NEO1: variants seen among roughly 807,000 people sequenced by gnomAD.
NEO1 encodes neogenin.
In NEO1, 63 loss-of-function variants were observed where a neutral mutation model predicts 159.7. The ratio of observed to expected loss-of-function variants is 0.39; its 90% CI spans 0.32 to 0.49. The LOEUF is 0.49. Among genes scored for constraint, NEO1 ranks in the 20% least tolerant of loss-of-function variants. The pLI, the probability that NEO1 is intolerant of heterozygous loss-of-function variation, is 0.85. For synonymous variants in NEO1, 633 were observed against 662.0 expected (o/e 0.96, Z 0.67); for missense variants, 1,615 against 1,831.0 (o/e 0.88, Z 2.15).
At chr15:73,140,540 AG>A (rs1344892283) in intron 5 of NEO1, among the ~76,000 whole-genome samples, 1 of 152,166 alleles carries the variant, frequency 6.6e-6, no homozygotes, top group Non-Finnish European at 1.5e-5. Context: ...TGGGTGACAA[AG>A]CAAAACCATC....
Position 73,249,498 on chromosome 15 carries a change from A to G in NEO1, c.1756-85A>G, listed in dbSNP as rs2039963266. On this transcript the variant is annotated intron_variant, in intron 10 of 28. Coordinates refer to ENST00000261908, the MANE Select transcript of NEO1 (RefSeq NM_002499.4). ...GGATAAAATCTGTTTCATGTAGAAT[A>G]TAGAATTTGTGTAGCTAATTCTTTA... 5 of 1,371,026 alleles carry G rather than the reference A, an allele frequency of 3.6e-6. No homozygotes were observed. In the South Asian group the frequency reaches 6.0e-5, roughly 17 times the overall value. 84.9% of individuals were successfully genotyped at this position (1,371,026 alleles called of 1,614,324 possible).
intron 1 of NEO1, among the ~76,000 whole-genome samples, chr15:73,081,572 T>C (rs1404628564): frequency 6.6e-6 from 1 of 152,022 alleles, no homozygotes; most frequent in African/African-American, 2.4e-5. Flanking sequence ...CAGCAAGTAC[T>C]AAGTGTTTTG....
Position 73,122,791 on chromosome 15 carries a change from G to T in NEO1, c.715G>T (p.Val239Phe), listed in dbSNP as rs1401131839. 1.1e-5 allele frequency: 18 copies of T among 1,614,040 alleles called. No individual in the cohort carries two copies. Among genetic ancestry groups the T allele is most frequent in the Non-Finnish European group, 1.5e-5 (18 of 1,179,914 alleles). ...GTATAGTGATGAAGTTGAATTGAAG[G>T]TTCTTCCAGGTATTAACTCATTATC... is the stretch of plus-strand genomic sequence containing the variant. ...PKYSDEVELKVLPDPEVISDL... is the reference protein window; with the variant it reads ...PKYSDEVELKFLPDPEVISDL... Residue 239 changes from valine (V) to phenylalanine (F), a missense_variant, in exon 3 of 29, where the codon GTT (valine) becomes TTT (phenylalanine). Val to Phe is a conservative substitution (Grantham distance 50). Transcript: ENST00000261908.
intron 21 of NEO1, among the ~76,000 whole-genome samples, chr15:73,275,724 T>A (rs1226867298): frequency 1.3e-5 from 2 of 152,138 alleles, no homozygotes; most frequent in African/African-American, 4.8e-5. Context: ...GGGGCCTCCA[T>A]GTCACCATTC....
At chr15:73,242,155 G>A (rs2039520452) in intron 8 of NEO1, among the ~76,000 whole-genome samples, 1 of 152,012 alleles carries the variant, frequency 6.6e-6, no homozygotes. Context: ...TCCTGTGTGG[G>A]GTGAACAAAA....
chr15:73,225,655 C>G (rs182466572), intron 7 of NEO1, among the ~76,000 whole-genome samples: 1 of 152,270 alleles, frequency 6.6e-6, no homozygotes, highest in Non-Finnish European at 1.5e-5. Flanking sequence ...CCCCATCTAA[C>G]AGCCCCGAGT....
intron 19 of NEO1, 28 bp downstream of exon 19, chr15:73,272,590 T>G: frequency 6.9e-7 from 1 of 1,438,878 alleles, no homozygotes; most frequent in Non-Finnish European, 9.8e-7. Flanking sequence ...GTGCATTTCT[T>G]TGTGCGCTCT....
At chr15:73,197,783 A>C (rs372948455) in intron 7 of NEO1, among the ~76,000 whole-genome samples, 1 of 150,252 alleles carries the variant, frequency 6.7e-6, no homozygotes, top group South Asian at 2.1e-4. Context: ...TGTGTTCAAG[A>C]TATTCTCCTG....
intron 8 of NEO1, among the ~76,000 whole-genome samples, chr15:73,243,788 A>T (rs2039606985): frequency 6.6e-6 from 1 of 152,262 alleles, no homozygotes; most frequent in Non-Finnish European, 1.5e-5. Flanking sequence ...TTAAGAAATT[A>T]TAAAAATCAG....
At chr15:73,270,652 C>T (rs1255538511) in intron 18 of NEO1, among the ~76,000 whole-genome samples, 198 bp downstream of exon 18, 1 of 152,200 alleles carries the variant, frequency 6.6e-6, no homozygotes, top group Admixed American at 6.5e-5. Context: ...ACAGGGAAAA[C>T]ATGATAAATT....
chr15:73,286,104 C>A (rs565070254), intron 23 of NEO1, among the ~76,000 whole-genome samples: 3 of 124,928 alleles, frequency 2.4e-5, no homozygotes, highest in Non-Finnish European at 4.8e-5. Flanking sequence ...TCCTTTTCAC[C>A]GGCTGCTTAC....
intron 1 of NEO1, among the ~76,000 whole-genome samples, chr15:73,090,948 C>G (rs1367406873): frequency 6.6e-6 from 1 of 152,056 alleles, no homozygotes. Context: ...CTCCCAATTG[C>G]GTTATTGAGG....
intron 20 of NEO1, 34 bp downstream of exon 20, chr15:73,274,039 G>GTCTCTT: frequency 6.3e-7 from 1 of 1,591,954 alleles, no homozygotes; most frequent in Non-Finnish European, 8.6e-7. Flanking sequence ...TTTGTTGTGT[G>GTCTCTT]TCTCTTTAGT....
At chr15:73,168,297 C>A (rs544090145) in intron 5 of NEO1, among the ~76,000 whole-genome samples, 1 of 147,286 alleles carries the variant, frequency 6.8e-6, no homozygotes, top group Non-Finnish European at 1.5e-5. Flanking sequence ...GATTCTCCTG[C>A]CTCAGCCTCC....
intron 3 of NEO1, among the ~76,000 whole-genome samples, chr15:73,125,396 C>T (rs1177527818): frequency 6.6e-6 from 1 of 152,216 alleles, no homozygotes; most frequent in Non-Finnish European, 1.5e-5. Context: ...AAAGCCTGGG[C>T]TTATCACTGA....
chr15:73,283,038 G>A lies in NEO1; in HGVS notation c.3337G>A (p.Gly1113Ser), dbSNP rs753447700. The change falls in exon 23 of 29, where the codon GGC becomes AGC. Residue 1113 changes from glycine to serine, a missense_variant. By Grantham distance (56) the Gly-to-Ser change is moderately conservative. This residue lies in a region of NEO1 where 471 missense variants were observed against 498.9 expected (regional missense o/e 0.94). Transcript: ENST00000261908. ...NMLLVIIVSV[G>S]VITIVVVVII... is the part of the protein sequence containing the mutation. The stretch of plus-strand genomic sequence containing the variant: ...GCTGCTGGTCATAATTGTTTCTGTT[G>A]GCGTCATCACCATCGTGGTGGTTGT... 6.2e-7 allele frequency: 1 copy of A among 1,613,956 alleles called. No individual in the cohort carries two copies. The highest frequency in any genetic ancestry group is 1.3e-5 in the African/African-American group (1 of 74,878).
chr15:73,063,739 G>A (rs1333330207), intron 1 of NEO1, among the ~76,000 whole-genome samples: 1 of 152,096 alleles, frequency 6.6e-6, no homozygotes, highest in Admixed American at 6.5e-5. Flanking sequence ...GCTGTTTCTT[G>A]TAAGGTTCAT....
intron 14 of NEO1, among the ~76,000 whole-genome samples, chr15:73,259,465 G>A (rs944445521): frequency 2.7e-5 from 4 of 147,104 alleles, no homozygotes; most frequent in Non-Finnish European, 4.5e-5. Context: ...GCTTAAGCAC[G>A]ATCCTCCCAC....
intron 1 of NEO1, among the ~76,000 whole-genome samples, chr15:73,097,113 G>A (rs1339378175): frequency 6.6e-6 from 1 of 152,010 alleles, no homozygotes; most frequent in Non-Finnish European, 1.5e-5. Flanking sequence ...GCTACAGAGC[G>A]AGACCCTGTC....
Sources: gnomAD v4.1 joint callset for allele counts (sites outside exome capture counted in the v4.1 genomes callset) on GRCh38, gnomAD v4.1.1 for gene constraint, gnomAD v4.1.1 regional missense constraint, MANE v1.5 for transcripts, NCBI Gene and HGNC (gene_info 2026-07-23, HGNC 2026-07-21) for gene names.